Variants in TJP3 observed in about 807,000 individuals in gnomAD.
TJP3 encodes tight junction protein ZO-3.
Under a neutral mutation model 104.2 loss-of-function variants are expected in TJP3, and 85 were observed. The ratio of observed to expected loss-of-function variants is 0.82; its 90% CI spans 0.68 to 0.98. TJP3 has a LOEUF of 0.98. TJP3 is among the 50% of genes least tolerant of loss of function. The probability of loss-of-function intolerance (pLI) is 0.00; values close to 1 mark genes in which losing one functional copy is unlikely to be tolerated. For missense variants in TJP3, 1,367 were observed against 1,322.8 expected (o/e 1.03, Z -0.52); for synonymous variants, 550 against 550.6 (o/e 1.00, Z 0.02).
In TJP3 at chr19:3,730,066, T is replaced by C. The variant is rs1196741002; in HGVS notation, c.197T>C (p.Met66Thr). 6.2e-7 allele frequency: 1 copy of C among 1,614,076 alleles called. No individual in the cohort carries two copies. The highest frequency in any genetic ancestry group is 8.5e-7 in the Non-Finnish European group (1 of 1,180,012). The change falls in exon 4 of 21, where the codon ATG becomes ACG. Residue 66 changes from methionine (M) to threonine (T), a missense_variant. Transcript: ENST00000541714. The surrounding 1 kb of genome is among the most constrained non-coding windows in gnomAD (Gnocchi z 7.3). The part of the protein sequence containing the change: ...DHIVMVNGVS[M>T]ENATSAFAIQ... Reference sequence around the variant, plus strand: ...ATCGTCATGGTGAACGGGGTTTCCATGGAGAATGCCACCTCCGCGTTTGCC... The same window carrying C: ...ATCGTCATGGTGAACGGGGTTTCCACGGAGAATGCCACCTCCGCGTTTGCC...
chr19:3,748,568 T>C (rs1359655651), intron 19 of TJP3, among the ~76,000 whole-genome samples: 4 of 113,314 alleles, frequency 3.5e-5, no homozygotes, highest in Admixed American at 8.5e-5. Flanking sequence ...GCACCCAGGC[T>C]TTTTTTTTTT....
In TJP3 at chr19:3,746,896, G is replaced by T; in HGVS notation, c.2322+20G>T. On this transcript the variant is annotated intron_variant, in intron 18 of 20. Transcript: ENST00000541714. The surrounding 1 kb of genome is among the most constrained non-coding windows in gnomAD (Gnocchi z 4.1). The stretch of plus-strand genomic sequence containing the variant: ...GATCAGGTACTGCCGCGGTGTGGGT[G>T]GGTCGGGCAGGGAGGCCCCACAGAC... 6.4e-7 allele frequency: 1 copy of T among 1,562,616 alleles called. No individual in the cohort carries two copies. The highest frequency in any genetic ancestry group is 1.2e-5 in the South Asian group (1 of 86,076).
chr19:3,720,294 C>G (rs2145670090), intron 1 of TJP3, among the ~76,000 whole-genome samples: 1 of 152,282 alleles, frequency 6.6e-6, no homozygotes, highest in African/African-American at 2.4e-5. Flanking sequence ...TGACTTGGGT[C>G]TCTGGACTAG....
intron 11 of TJP3, among the ~76,000 whole-genome samples, chr19:3,738,109 TC>T (rs763267906): frequency 8.4e-6 from 1 of 118,810 alleles, no homozygotes; most frequent in Non-Finnish European, 1.8e-5. Context: ...GTTGTCCCTG[TC>T]ATGACCCTGG....
intron 1 of TJP3, among the ~76,000 whole-genome samples, chr19:3,727,810 G>T (rs2036616416): frequency 6.6e-6 from 1 of 151,982 alleles, no homozygotes; most frequent in South Asian, 2.1e-4. Context: ...AGCTACTCAG[G>T]AGGCCAGTAG....
rs1229047013 is a variant in TJP3, at chr19:3,747,933, G to T, written c.2462G>T (p.Gly821Val). The change falls in exon 19 of 21, where the codon GGC becomes GTC. Residue 821 changes from glycine (G) to valine (V), a missense_variant. Transcript: ENST00000541714. ...GEGGAYTDGE[G>V]YTDGEGGPYT... ...GGCGGCGCGTACACGGATGGCGAGG[G>T]CTACACAGACGGCGAGGGGGGGCCC... 1 of 1,613,152 alleles carries T rather than the reference G, an allele frequency of 6.2e-7. No homozygotes were observed. Among genetic ancestry groups the T allele is most frequent in the East Asian group, 2.2e-5 (1 of 44,872 alleles).
intron 14 of TJP3, among the ~76,000 whole-genome samples, chr19:3,741,026 AG>A (rs2036809043): frequency 6.6e-6 from 1 of 151,972 alleles, no homozygotes; most frequent in Admixed American, 6.6e-5. Flanking sequence ...ATTTTTAGAC[AG>A]AGTCTTGCTC....
At chr19:3,715,146 G>A (rs1250050824) in intron 1 of TJP3, among the ~76,000 whole-genome samples, 2 of 150,442 alleles carry the variant, frequency 1.3e-5, no homozygotes, top group Non-Finnish European at 3.0e-5. Context: ...CTGGAGCGCA[G>A]TGGCGCAATC....
intron 1 of TJP3, among the ~76,000 whole-genome samples, chr19:3,709,254 C>T (rs1221734692): frequency 3.3e-5 from 5 of 152,124 alleles, no homozygotes; most frequent in Admixed American, 6.6e-5. Flanking sequence ...CACCACTATG[C>T]CCAGCTAATT....
rs527570457 is a variant in TJP3 at position 3,750,499 on chromosome 19, C to T, written c.2658-83C>T. On this transcript the variant is annotated intron_variant, in intron 20 of 20. Transcript: ENST00000541714. ...CTTATCTCTGCCCACACCCACTGTG[C>T]CTAGCACAGCCAGCCTCAGTTTATG... The T allele has an allele frequency of 2.5e-5, 30 of 1,216,980 alleles. No individual in the cohort carries two copies. In the East Asian group the frequency reaches 6.8e-4, roughly 28 times the overall value. 75.4% of individuals were successfully genotyped at this position (1,216,980 alleles called of 1,614,324 possible).
rs1329012410 is a variant in TJP3 at position 3,740,729 on chromosome 19, C to A, written c.1809C>A (p.Arg603=). 6.3e-7 allele frequency: 1 copy of A among 1,595,430 alleles called. No individual in the cohort carries two copies. Among genetic ancestry groups the A allele is most frequent in the Non-Finnish European group, 8.5e-7 (1 of 1,171,746 alleles). The change falls in exon 14 of 21, where the codon CGC becomes CGA. Residue 603 remains arginine, a synonymous_variant. Transcript: ENST00000541714. ...TCTCAGCTCTGACCCGACAGGGCCG[C>A]TACCCGCCCTACGAACGAGTGGTGT... ...EDLSALTRQG[R]YPPYERVVLR...
intron 1 of TJP3, among the ~76,000 whole-genome samples, chr19:3,722,909 G>C (rs1050107492): frequency 7.4e-6 from 1 of 135,918 alleles, no homozygotes; most frequent in Non-Finnish European, 1.6e-5. Context: ...CCCGGGGGCG[G>C]TGTGACTTGG....
chr19:3,722,036 A>T (rs1277289681), intron 1 of TJP3: 3 of 487,876 alleles, frequency 6.1e-6, no homozygotes, highest in Non-Finnish European at 9.7e-6. Flanking sequence ...AGGGAAACTG[A>T]GTCCCAGAGG....
At chr19:3,728,509 C>T (rs2036627373) in intron 2 of TJP3, 29 bp downstream of exon 2, 2 of 1,604,990 alleles carry the variant, frequency 1.2e-6, no homozygotes, top group African/African-American at 1.3e-5. Flanking sequence ...TGTCTGGGTG[C>T]CAGAGAGTAT....
Position 3,746,582 on chromosome 19 carries a change from G to A in TJP3, c.2108G>A (p.Arg703Gln), listed in dbSNP as rs758190803. 26 of 1,613,742 alleles carry A rather than the reference G, an allele frequency of 1.6e-5. No individual in the cohort carries two copies. Among genetic ancestry groups the A allele is most frequent in the South Asian group, 4.4e-5 (4 of 91,086 alleles). The change falls in exon 17 of 21, where the codon CGG becomes CAG. Residue 703 changes from arginine to glutamine, a missense_variant. Physicochemically the swap from Arg to Gln is conservative, Grantham distance 43. Coordinates refer to ENST00000541714, the MANE Select transcript of TJP3 (RefSeq NM_001267560.2). The surrounding 1 kb of genome is among the most constrained non-coding windows in gnomAD (Gnocchi z 4.1). ...PIVVFFIPES[R>Q]PALKALRQWL... Reference sequence around the variant, plus strand: ...GTGGTCTTCTTCATCCCCGAGAGCCGGCCGGCCCTCAAGGCACTGCGCCAG... The same window carrying A: ...GTGGTCTTCTTCATCCCCGAGAGCCAGCCGGCCCTCAAGGCACTGCGCCAG...
chr19:3,730,399 C>T lies in TJP3; in HGVS notation c.306C>T (p.Ala102=), dbSNP rs1318093586. 2 of 1,563,668 alleles carry T rather than the reference C, an allele frequency of 1.3e-6. No individual in the cohort carries two copies. Among genetic ancestry groups the T allele is most frequent in the South Asian group, 1.2e-5 (1 of 83,788 alleles). Residue 102 remains alanine, a synonymous_variant, in exon 5 of 21, where the codon GCC becomes GCT. Coordinates refer to ENST00000541714, the MANE Select transcript of TJP3 (RefSeq NM_001267560.2). This position sits in a 1 kb window ranked among gnomAD's most constrained non-coding sequence, Gnocchi z 7.3. ...PRRIHLPATK[A]SPSSPGRQDS... is the part of the protein sequence containing the mutation. Reference sequence around the variant, plus strand: ...GGATCCACCTGCCCGCCACCAAAGCCAGCCCCTCCAGCCCAGGGCGCCAGG... The same window carrying T: ...GGATCCACCTGCCCGCCACCAAAGCTAGCCCCTCCAGCCCAGGGCGCCAGG...
In TJP3 at chr19:3,746,141, T is replaced by A; in HGVS notation, c.2010+60T>A. On this transcript the variant is annotated intron_variant, in intron 16 of 20. Transcript: ENST00000541714. The surrounding 1 kb of genome is among the most constrained non-coding windows in gnomAD (Gnocchi z 4.1). Reference sequence around the variant, plus strand: ...GATGGGGGAAACCGAGGCCTGGGCATCCAACTGAATGTCCTGACCTGTTCT... The same window carrying A: ...GATGGGGGAAACCGAGGCCTGGGCAACCAACTGAATGTCCTGACCTGTTCT... 16 of 1,483,944 alleles carry A rather than the reference T, an allele frequency of 1.1e-5. No individual in the cohort carries two copies. The highest frequency in any genetic ancestry group is 1.4e-5 in the Non-Finnish European group (15 of 1,081,862). 91.9% of individuals were successfully genotyped at this position (1,483,944 alleles called of 1,614,324 possible). A position where few individuals can be genotyped will look rare whatever the true frequency, so the allele number is the denominator to read the frequency against.
At chr19:3,710,228 C>T (rs564369788) in intron 1 of TJP3, among the ~76,000 whole-genome samples, 3 of 150,996 alleles carry the variant, frequency 2.0e-5, no homozygotes, top group South Asian at 2.1e-4. Flanking sequence ...TGTAATAAAG[C>T]GGGTAACAGA....
intron 1 of TJP3, among the ~76,000 whole-genome samples, chr19:3,717,208 G>T (rs1359288320): frequency 6.9e-6 from 1 of 144,664 alleles, no homozygotes; most frequent in African/African-American, 2.5e-5. Context: ...CAGGTGATCC[G>T]CCCGCCTCGA....
Sources: gnomAD v4.1 joint callset for allele counts (sites outside exome capture counted in the v4.1 genomes callset) on GRCh38, gnomAD v4.1.1 for gene constraint, Gnocchi (gnomAD v3.1) non-coding constraint, MANE v1.5 for transcripts, NCBI Gene and HGNC (gene_info 2026-07-23, HGNC 2026-07-21) for gene names.